PHACTR1: variants seen among roughly 807,000 people sequenced by gnomAD.
PHACTR1 encodes RPEL repeat containing 1.
Under a neutral mutation model 69.2 loss-of-function variants are expected in PHACTR1, and 16 were observed. The ratio of observed to expected loss-of-function variants is 0.23; its 90% CI spans 0.16 to 0.35. PHACTR1 has a LOEUF of 0.35. PHACTR1 is among the 10% of genes least tolerant of loss of function. The pLI is 1.00. For synonymous variants in PHACTR1, 312 were observed against 284.5 expected (o/e 1.10, Z -0.97); for missense variants, 510 against 734.7 (o/e 0.69, Z 3.54).
chr6:12,755,364 G>A (rs906422513), intron 4 of PHACTR1, among the ~76,000 whole-genome samples: 1 of 152,140 alleles, frequency 6.6e-6, no homozygotes, highest in Non-Finnish European at 1.5e-5. Flanking sequence ...TCTAAGATGA[G>A]GGTTTTAGAT....
Position 13,287,222 on chromosome 6 carries a change from A to ACAAT in PHACTR1, c.*147_*150dup, listed in dbSNP as rs1392011776. On this transcript the variant is annotated 3_prime_UTR_variant, in exon 15 of 15. Transcript: ENST00000332995. ...TAAAAAGAAGAAAAATCAAGGAAAC[A>ACAAT]CAATCAGGATTTTATGTGTGAAAAC... 4.4e-6 allele frequency: 4 copies of ACAAT among 899,102 alleles called. No homozygotes were observed. The highest frequency in any genetic ancestry group is 6.6e-6 in the Non-Finnish European group (4 of 603,742). The allele number at this position is 899,102 out of a possible 1,614,324, so 55.7% of individuals were successfully genotyped here.
intron 4 of PHACTR1, among the ~76,000 whole-genome samples, chr6:12,772,765 T>G (rs1272191720): frequency 1.3e-5 from 2 of 152,232 alleles, no homozygotes; most frequent in African/African-American, 2.4e-5. Context: ...ATACCACCCT[T>G]ACCATTGCAC....
chr6:12,746,662 T>C (rs2127592555), intron 3 of PHACTR1, among the ~76,000 whole-genome samples: 1 of 152,382 alleles, frequency 6.6e-6, no homozygotes, highest in Non-Finnish European at 1.5e-5. Context: ...AAAGTGCATT[T>C]AAACTCCTTT....
chr6:13,272,224 T>C (rs1562101563), intron 10 of PHACTR1: 2 of 152,424 alleles, frequency 1.3e-5, no homozygotes, highest in South Asian at 2.0e-4. Context: ...ACCCATTGCG[T>C]CATTGCAGGC....
chr6:12,747,585 G>C (rs1238093031), intron 3 of PHACTR1, among the ~76,000 whole-genome samples: 1 of 152,106 alleles, frequency 6.6e-6, no homozygotes, highest in African/African-American at 2.4e-5. Flanking sequence ...AGGATTGCTT[G>C]AGCCCAAGGA....
intron 4 of PHACTR1, among the ~76,000 whole-genome samples, chr6:13,027,132 AG>A (rs543786612): frequency 1.9e-4 from 29 of 152,076 alleles, no homozygotes; most frequent in Non-Finnish European, 2.5e-4. Flanking sequence ...CTGGTTGGGA[AG>A]TGGGTGGGGA....
chr6:12,723,518 G>A (rs1439486184), intron 3 of PHACTR1, among the ~76,000 whole-genome samples: 1 of 30,436 alleles, frequency 3.3e-5, no homozygotes, highest in Non-Finnish European at 6.7e-5. Context: ...GAGAGAGAGA[G>A]GGGTCTGGCT....
At chr6:12,861,448 G>C (rs981241026) in intron 4 of PHACTR1, among the ~76,000 whole-genome samples, 1 of 152,154 alleles carries the variant, frequency 6.6e-6, no homozygotes, top group East Asian at 1.9e-4. Flanking sequence ...GTTAAGACAG[G>C]CATTTTAGCC....
intron 5 of PHACTR1, among the ~76,000 whole-genome samples, chr6:13,097,352 C>T (rs1476891170): frequency 6.6e-6 from 1 of 152,208 alleles, no homozygotes; most frequent in African/African-American, 2.4e-5. Context: ...GCCCCCACCC[C>T]TCTTCACCTC....
At chr6:13,056,356 T>A (rs1806782044) in intron 5 of PHACTR1, among the ~76,000 whole-genome samples, 1 of 152,150 alleles carries the variant, frequency 6.6e-6, no homozygotes, top group Non-Finnish European at 1.5e-5. Flanking sequence ...GCTGTGATCG[T>A]GCCACTGTAC....
intron 4 of PHACTR1, among the ~76,000 whole-genome samples, chr6:13,014,062 T>C (rs1234380996): frequency 6.6e-6 from 1 of 152,138 alleles, no homozygotes; most frequent in Non-Finnish European, 1.5e-5. Context: ...AACGTGTCCT[T>C]TGTGATCCAC....
intron 5 of PHACTR1, among the ~76,000 whole-genome samples, chr6:13,103,818 G>A (rs1040864348): frequency 7.9e-5 from 12 of 152,146 alleles, no homozygotes; most frequent in Admixed American, 3.3e-4. Flanking sequence ...GTGCAGTGGC[G>A]CATGCCTGTA....
Position 13,195,757 on chromosome 6 carries a change from C to CAAAAAAAAAAAAAAAAAAAAAAAAAA in PHACTR1, c.665-10035_665-10034insAAAAAAAAAAAAAAAAAAAAAAAAAA, listed in dbSNP as rs869092852. ...TGGGCGACAGAGAGAGACACCGTCT[C>CAAAAAAAAAAAAAAAAAAAAAAAAAA]AAAAAAAAAAAAAAAAAAAAAAAGT... On this transcript the variant is annotated intron_variant, in intron 7 of 14. Transcript: ENST00000332995. Among the ~76,000 whole-genome samples, 39 of 41,492 alleles carry CAAAAAAAAAAAAAAAAAAAAAAAAAA rather than the reference C, an allele frequency of 9.4e-4. 8 individuals carry two copies. The highest frequency in any genetic ancestry group is 1.6e-3 in the African/African-American group (18 of 11,598). The allele number at this position is 41,492 out of a possible 152,430, so 27.2% of individuals were successfully genotyped here.
chr6:13,055,826 C>T (rs993189880), intron 5 of PHACTR1, among the ~76,000 whole-genome samples: 1 of 152,214 alleles, frequency 6.6e-6, no homozygotes, highest in Admixed American at 6.5e-5. Flanking sequence ...TATTAAACGT[C>T]TTCAAAAATT....
chr6:13,221,340 C>T (rs1768584649), intron 8 of PHACTR1, among the ~76,000 whole-genome samples: 1 of 151,394 alleles, frequency 6.6e-6, no homozygotes, highest in African/African-American at 2.4e-5. Context: ...TGGAGTTGAT[C>T]CAGTTTACAA....
At chr6:13,035,797 G>A (rs1439909883) in intron 4 of PHACTR1, among the ~76,000 whole-genome samples, 1 of 152,182 alleles carries the variant, frequency 6.6e-6, no homozygotes, top group African/African-American at 2.4e-5. Flanking sequence ...ACATACGTCA[G>A]TGATAGCCTT....
intron 4 of PHACTR1, among the ~76,000 whole-genome samples, chr6:12,754,255 G>A (rs1367608354): frequency 6.6e-6 from 1 of 151,514 alleles, no homozygotes; most frequent in Non-Finnish European, 1.5e-5. Context: ...TTACAGGTGT[G>A]AGCCAGTGCG....
At chr6:13,053,684 T>G (rs1269682315) in intron 5 of PHACTR1, among the ~76,000 whole-genome samples, 155 bp downstream of exon 5, 1 of 152,188 alleles carries the variant, frequency 6.6e-6, no homozygotes, top group African/African-American at 2.4e-5. Context: ...TTCAGTATGA[T>G]CAAGAATGAC....
chr6:12,982,212 C>T (rs758368730), intron 4 of PHACTR1, among the ~76,000 whole-genome samples: 31 of 152,210 alleles, frequency 2.0e-4, no homozygotes, highest in Non-Finnish European at 4.3e-4. Flanking sequence ...TAGCTGGCCC[C>T]TCCTGGCAGC....
Sources: allele counts gnomAD v4.1 joint callset (sites outside exome capture counted in the v4.1 genomes callset), GRCh38; gene constraint gnomAD v4.1.1; transcripts MANE v1.5; gene names NCBI Gene and HGNC (gene_info 2026-07-23, HGNC 2026-07-21).